The following SPECC1 variants were observed in gnomAD, a reference collection of about 807,000 sequenced individuals.
SPECC1 encodes cytospin-B.
In SPECC1, 62 loss-of-function variants were observed where a neutral mutation model predicts 104.1. That is an observed-to-expected ratio of 0.60 (90% CI 0.49 to 0.74). SPECC1 has a LOEUF of 0.74. Among genes scored for constraint, SPECC1 ranks in the 30% least tolerant of loss-of-function variants. The pLI is 0.00. For missense variants in SPECC1, 1,306 were observed against 1,310.5 expected (o/e 1.00, Z 0.05); for synonymous variants, 513 against 501.6 (o/e 1.02, Z -0.30).
chr17:20,214,330 CG>C (rs2037350785), intron 4 of SPECC1, among the ~76,000 whole-genome samples: 1 of 151,982 alleles, frequency 6.6e-6, no homozygotes, highest in Non-Finnish European at 1.5e-5. Flanking sequence ...TTTATGAAGT[CG>C]AATTTAGTTA....
At chr17:20,069,323 G>A (rs2046466027) in intron 1 of SPECC1, among the ~76,000 whole-genome samples, 1 of 152,060 alleles carries the variant, frequency 6.6e-6, no homozygotes, top group Non-Finnish European at 1.5e-5. Context: ...TCATTTTCTT[G>A]ATAGTATCTT....
intron 3 of SPECC1, among the ~76,000 whole-genome samples, chr17:20,182,974 C>A (rs997242363): frequency 3.3e-5 from 5 of 152,134 alleles, no homozygotes; most frequent in Non-Finnish European, 5.9e-5. Context: ...GTACAACTAG[C>A]CTCTACTTGG....
chr17:20,077,667 A>G (rs1210542563), intron 1 of SPECC1, among the ~76,000 whole-genome samples: 2 of 152,012 alleles, frequency 1.3e-5, no homozygotes, highest in African/African-American at 2.4e-5. Context: ...GGGTTTTGCA[A>G]TGTTGGCCAG....
chr17:20,194,574 T>TTGGCTCACTGCAACCTC (rs1304198363), intron 3 of SPECC1, among the ~76,000 whole-genome samples: 1 of 144,666 alleles, frequency 6.9e-6, no homozygotes, highest in Non-Finnish European at 1.5e-5. Context: ...TGACATGATC[T>TTGGCTCACTGCAACCTC]TGGCTCACTG....
chr17:20,191,316 CG>C (rs1239736306), intron 3 of SPECC1, among the ~76,000 whole-genome samples: 13 of 152,164 alleles, frequency 8.5e-5, no homozygotes, highest in Non-Finnish European at 4.4e-5. Context: ...TGTCTTCCAA[CG>C]TGGCTGAATT....
In SPECC1 at chr17:20,204,437, A is replaced by G. The variant is rs1484324327; in HGVS notation, c.388A>G (p.Lys130Glu). 1 of 1,614,144 alleles carries G rather than the reference A, an allele frequency of 6.2e-7. No homozygotes were observed. The change falls in exon 4 of 15, where the codon AAA becomes GAA. Residue 130 changes from lysine to glutamate, a missense_variant. Physicochemically the swap from Lys to Glu is moderately conservative, Grantham distance 56. This residue lies in a region of SPECC1 where 1,177 missense variants were observed against 1,139.9 expected (regional missense o/e 1.03). Coordinates refer to ENST00000395527, the MANE Select transcript of SPECC1 (RefSeq NM_001243439.2). ...GCCACGTGGTCCCTCCAACCCCAGG[A>G]AATCAGTGTCCAGTCCAACTTCTTC... ...SVPRGPSNPR[K>E]SVSSPTSSNT...
intron 1 of SPECC1, among the ~76,000 whole-genome samples, chr17:20,089,230 C>A (rs1200681346): frequency 6.6e-6 from 1 of 152,154 alleles, no homozygotes; most frequent in African/African-American, 2.4e-5. Context: ...GGGATGACAG[C>A]AGCTACCTCA....
chr17:20,051,070 TTC>T (rs1491420776), intron 1 of SPECC1, among the ~76,000 whole-genome samples: 3 of 41,092 alleles, frequency 7.3e-5, no homozygotes, highest in African/African-American at 2.4e-4. Flanking sequence ...TTCTTTCTTT[TTC>T]TTTCTTTCTT....
chr17:20,072,239 C>T (rs1413967224), intron 1 of SPECC1, among the ~76,000 whole-genome samples: 3 of 152,230 alleles, frequency 2.0e-5, no homozygotes, highest in African/African-American at 7.2e-5. Flanking sequence ...TTCCTGATGA[C>T]ATCATTGGAC....
At chr17:20,229,105 A>G (rs1275662524) in intron 5 of SPECC1, among the ~76,000 whole-genome samples, 2 of 152,072 alleles carry the variant, frequency 1.3e-5, no homozygotes, top group Non-Finnish European at 2.9e-5. Context: ...TATGTTCCCA[A>G]CTCGGGTCAG....
chr17:20,189,959 T>G (rs1377573621), intron 3 of SPECC1, among the ~76,000 whole-genome samples: 3 of 152,180 alleles, frequency 2.0e-5, no homozygotes, highest in African/African-American at 7.2e-5. Flanking sequence ...TTTGGTTCAT[T>G]TGCATGAGTG....
chr17:20,025,523 T>TGGA (rs1211067704), intron 1 of SPECC1, among the ~76,000 whole-genome samples: 1 of 152,204 alleles, frequency 6.6e-6, no homozygotes, highest in African/African-American at 2.4e-5. Flanking sequence ...AGATTCATCC[T>TGGA]TGTAGCATGT....
chr17:20,280,360 C>T (rs541094927), intron 12 of SPECC1, among the ~76,000 whole-genome samples: 2 of 152,336 alleles, frequency 1.3e-5, no homozygotes, highest in South Asian at 4.1e-4. Context: ...CAAGAGGCTC[C>T]ATGACTGCTC....
rs546462222 is a variant in SPECC1, at chr17:20,044,377, G to T, written c.-22+34953G>T. Among the ~76,000 whole-genome samples, 3 of 152,272 alleles carry T rather than the reference G, an allele frequency of 2.0e-5. No individual in the cohort carries two copies. The East Asian group carries it at 5.8e-4, about 29-fold the overall frequency. On this transcript the variant is annotated intron_variant, in intron 1 of 14. Coordinates refer to ENST00000395527, the MANE Select transcript of SPECC1 (RefSeq NM_001243439.2). ...TGTAATCTGTATATAGCTCACCCTG[G>T]AGGTGAATGGTACTGGTTTTCAGCC...
chr17:20,243,461 A>G (rs1043427908), intron 7 of SPECC1, among the ~76,000 whole-genome samples: 1 of 152,218 alleles, frequency 6.6e-6, no homozygotes, highest in Non-Finnish European at 1.5e-5. Context: ...CTCATTTATG[A>G]TTTAAGTACA....
intron 7 of SPECC1, among the ~76,000 whole-genome samples, chr17:20,233,845 A>G (rs1330588237): frequency 6.6e-6 from 1 of 152,092 alleles, no homozygotes; most frequent in African/African-American, 2.4e-5. Flanking sequence ...TTGCTTCCCT[A>G]TTGTCTGTCA....
chr17:20,310,543 G>A (rs995216053), intron 14 of SPECC1, among the ~76,000 whole-genome samples: 15 of 152,210 alleles, frequency 9.9e-5, no homozygotes, highest in Admixed American at 7.9e-4. Context: ...CCCAATTACA[G>A]ATGCAAGCAA....
chr17:20,313,271 C>T (rs190880146), intron 14 of SPECC1, among the ~76,000 whole-genome samples: 1 of 151,956 alleles, frequency 6.6e-6, no homozygotes, highest in Non-Finnish European at 1.5e-5. Context: ...AACAAACAAA[C>T]AAAAAAACAC....
At chr17:20,081,823 A>G (rs2046986962) in intron 1 of SPECC1, among the ~76,000 whole-genome samples, 1 of 152,058 alleles carries the variant, frequency 6.6e-6, no homozygotes, top group Non-Finnish European at 1.5e-5. Context: ...ATTACAACAC[A>G]CACACAACTT....
Sources: gnomAD v4.1 joint callset for allele counts (sites outside exome capture counted in the v4.1 genomes callset) on GRCh38, gnomAD v4.1.1 for gene constraint, gnomAD v4.1.1 regional missense constraint, MANE v1.5 for transcripts, NCBI Gene and HGNC (gene_info 2026-07-23, HGNC 2026-07-21) for gene names.